Variants in CHMP3 observed in about 807,000 individuals in gnomAD.
CHMP3 encodes the protein charged multivesicular body protein 3, also known as 25.1 protein.
CHMP3 carries 8 observed loss-of-function variants against 27.4 expected under a neutral mutation model. The observed-to-expected ratio is 0.29, with a 90% confidence interval of 0.17 to 0.53. The LOEUF (loss-of-function observed/expected upper bound fraction) is 0.53. Among genes scored for constraint, CHMP3 ranks in the 20% least tolerant of loss-of-function variants. The probability of loss-of-function intolerance (pLI) is 0.96; values close to 1 mark genes in which losing one functional copy is unlikely to be tolerated. For missense variants in CHMP3, 208 were observed against 271.5 expected, an observed-to-expected ratio of 0.77 and a Z score of 1.64; for synonymous variants, 86 against 85.5, an observed-to-expected ratio of 1.01 and a Z score of -0.03.
At chr2:86,560,264 A>G (rs753238233) in intron 1 of CHMP3, among the ~76,000 whole-genome samples, 3 of 152,154 alleles carry the variant, frequency 2.0e-5, no homozygotes, top group Admixed American at 6.5e-5. Context: ...TCCATCTCAA[A>G]AAAAAAAAAT....
chr2:86,528,429 G>T (rs1177614839), intron 3 of CHMP3, among the ~76,000 whole-genome samples: 2 of 152,106 alleles, frequency 1.3e-5, no homozygotes, highest in Non-Finnish European at 2.9e-5. Context: ...AAACCCCTGG[G>T]CTCAAGCACT....
intron 3 of CHMP3, among the ~76,000 whole-genome samples, chr2:86,521,302 A>T (rs1345681008): frequency 1.3e-5 from 2 of 152,150 alleles, no homozygotes; most frequent in African/African-American, 4.8e-5. Context: ...AAAACTATAT[A>T]AGAGCTTGGA....
At chr2:86,550,398 GA>G (rs552897636) in intron 1 of CHMP3, among the ~76,000 whole-genome samples, 18 of 150,268 alleles carry the variant, frequency 1.2e-4, no homozygotes, top group African/African-American at 4.1e-4. Context: ...GAGAGGGAGA[GA>G]GGGGGAGAGG....
chr2:86,562,586 G>A (rs1473019486), intron 1 of CHMP3: 10 of 152,222 alleles, frequency 6.6e-5, no homozygotes, highest in African/African-American at 2.2e-4. Context: ...AAGGCACTGA[G>A]AAGTGAACTT....
Position 86,563,392 on chromosome 2 carries a change from G to A in CHMP3, c.-44C>T, listed in dbSNP as rs532272916. 10 of 1,602,790 alleles carry A rather than the reference G, an allele frequency of 6.2e-6. No homozygotes were observed. Among genetic ancestry groups the A allele is most frequent in the Admixed American group, 3.4e-5 (2 of 59,506 alleles). On this transcript the variant is annotated 5_prime_UTR_variant, in exon 1 of 6. Transcript: ENST00000263856. ...TGCCCCTTCCGGCTTTCAGTTCCCC[G>A]CGCCCAGGCAGGTCACGGGCAGCCG...
chr2:86,549,453 G>GGCC, intron 1 of CHMP3, among the ~76,000 whole-genome samples: 1 of 140,946 alleles, frequency 7.1e-6, no homozygotes, highest in South Asian at 2.3e-4. Context: ...CAGATGGGGT[G>GGCC]GCCGGGCAGA....
chr2:86,529,126 C>G, intron 3 of CHMP3, 92 bp downstream of exon 3: 2 of 1,324,288 alleles, frequency 1.5e-6, no homozygotes, highest in Non-Finnish European at 2.0e-6. Context: ...GAATAAAAAC[C>G]AGAGTTGAGT....
At chr2:86,545,865 C>G (rs1459114433) in intron 1 of CHMP3, among the ~76,000 whole-genome samples, 3 of 151,942 alleles carry the variant, frequency 2.0e-5, no homozygotes, top group African/African-American at 7.3e-5. Flanking sequence ...CAGAGGCGCT[C>G]CTCACTTCCC....
intron 3 of CHMP3, among the ~76,000 whole-genome samples, chr2:86,522,226 C>A (rs944189908): frequency 6.6e-6 from 1 of 152,202 alleles, no homozygotes. Flanking sequence ...CTTTTCAATG[C>A]AGCAACAGGC....
rs568336558 is a variant in CHMP3, at chr2:86,521,221, C to T, written c.286+7997G>A. On this transcript the variant is annotated intron_variant, in intron 3 of 5. Transcript: ENST00000263856. ...TCTTTTTGGACTCAGCCCACCTGCA[C>T]CCAGGTGAAATAAACAGCTTTATTG... 2.0e-5 allele frequency among the ~76,000 whole-genome samples: 3 copies of T among 152,216 alleles called. No homozygotes were observed. In the East Asian group the frequency reaches 5.8e-4, roughly 29 times the overall value.
chr2:86,541,978 T>C (rs867342275), intron 2 of CHMP3, among the ~76,000 whole-genome samples: 2 of 152,194 alleles, frequency 1.3e-5, no homozygotes, highest in Non-Finnish European at 1.5e-5. Flanking sequence ...TTCTTACTTA[T>C]GTATAATTTA....
At chr2:86,531,621 C>T (rs965890569) in intron 2 of CHMP3, among the ~76,000 whole-genome samples, 3 of 152,014 alleles carry the variant, frequency 2.0e-5, no homozygotes, top group African/African-American at 2.4e-5. Flanking sequence ...GGTCTTTGAT[C>T]CATTTGGGGT....
chr2:86,529,017 T>C (rs562521491), intron 3 of CHMP3, among the ~76,000 whole-genome samples: 2 of 152,372 alleles, frequency 1.3e-5, no homozygotes, highest in East Asian at 3.9e-4. Flanking sequence ...CAGATTTATA[T>C]GTAGATTTCA....
chr2:86,559,371 C>T (rs889760094), intron 1 of CHMP3, among the ~76,000 whole-genome samples: 13 of 152,212 alleles, frequency 8.5e-5, no homozygotes, highest in African/African-American at 3.1e-4. Context: ...CTCCAGCTTA[C>T]AGACAGCATA....
In CHMP3 at chr2:86,508,071, A is replaced by G. The variant is rs147548736; in HGVS notation, c.409-478T>C. Among the ~76,000 whole-genome samples, 168 of 152,282 alleles carry G rather than the reference A, an allele frequency of 1.1e-3. 2 individuals are homozygous for G. Among genetic ancestry groups the G allele is most frequent in the East Asian group, 7.9e-3 (41 of 5,190 alleles). ...AAAAGCCAAAAAAGGCCTGAAGAGG[A>G]CTCCAGCTTGTCCAGGTTACATCTG... On this transcript the variant is annotated intron_variant, in intron 4 of 5. Transcript: ENST00000263856.
At chr2:86,544,049 A>T (rs533873765) in intron 1 of CHMP3, among the ~76,000 whole-genome samples, 1 of 152,350 alleles carries the variant, frequency 6.6e-6, no homozygotes, top group Non-Finnish European at 1.5e-5. Context: ...GAAAGGAATC[A>T]CACAATGTGT....
chr2:86,507,725 G>T, intron 4 of CHMP3, 132 bp from the exon 5 acceptor site: 1 of 726,096 alleles, frequency 1.4e-6, no homozygotes, highest in Non-Finnish European at 2.4e-6. Context: ...GAGACAGCTG[G>T]CCAAAGGAAA....
In CHMP3 at chr2:86,559,631, C is replaced by T. The variant is rs138585513; in HGVS notation, c.45+3673G>A. On this transcript the variant is annotated intron_variant, in intron 1 of 5. Coordinates refer to ENST00000263856, the MANE Select transcript of CHMP3 (RefSeq NM_016079.4). ...AAGCCTGGCACTTGGTAGAAGCTGACCCTAAAGTGGATGGACATTCTTCTA... is the reference window on the plus strand; with the variant it reads ...AAGCCTGGCACTTGGTAGAAGCTGATCCTAAAGTGGATGGACATTCTTCTA... 8.6e-4 allele frequency among the ~76,000 whole-genome samples: 131 copies of T among 152,306 alleles called. 1 individual carries two copies. Among genetic ancestry groups the T allele is most frequent in the Non-Finnish European group, 1.6e-3 (109 of 68,030 alleles).
intron 2 of CHMP3, among the ~76,000 whole-genome samples, chr2:86,537,480 T>C (rs1676194217): frequency 1.3e-5 from 2 of 152,230 alleles, no homozygotes; most frequent in East Asian, 1.9e-4. Context: ...AGCAAGTTTC[T>C]GGTGACTTAC....
Sources: gnomAD v4.1 joint callset for allele counts (sites outside exome capture counted in the v4.1 genomes callset) on GRCh38, gnomAD v4.1.1 for gene constraint, MANE v1.5 for transcripts, NCBI Gene and HGNC (gene_info 2026-07-23, HGNC 2026-07-21) for gene names.